Variants in NRG3 observed in about 807,000 individuals in gnomAD.
The protein encoded by NRG3 is pro-neuregulin-3, membrane-bound isoform.
In NRG3, 31 loss-of-function variants were observed where a neutral mutation model predicts 66.9. The observed-to-expected ratio is 0.46, with a 90% CI of 0.35 to 0.63. The LOEUF (loss-of-function observed/expected upper bound fraction) is 0.63, where lower values mean the gene tolerates loss of function less well. Among genes scored for constraint, NRG3 ranks in the 20% least tolerant of loss-of-function variants. The pLI, the probability that NRG3 is intolerant of heterozygous loss-of-function variation, is 0.00. For missense variants in NRG3, 910 were observed against 878.9 expected, an observed-to-expected ratio of 1.04 and a Z score of -0.45; for synonymous variants, 393 against 359.4, an observed-to-expected ratio of 1.09 and a Z score of -1.06.
At chr10:82,279,220 T>G (rs2079008991) in intron 1 of NRG3, among the ~76,000 whole-genome samples, 3 of 152,172 alleles carry the variant, frequency 2.0e-5, no homozygotes, top group African/African-American at 7.2e-5. Context: ...GCTGGCCATT[T>G]GACTCAAACT....
chr10:82,968,857 A>G (rs905444953), intron 6 of NRG3, among the ~76,000 whole-genome samples: 2 of 151,634 alleles, frequency 1.3e-5, no homozygotes, highest in African/African-American at 2.4e-5. Flanking sequence ...GGTTTAATGG[A>G]CTCACAGTTT....
chr10:82,374,010 G>A (rs1389594923), intron 2 of NRG3, among the ~76,000 whole-genome samples: 1 of 152,072 alleles, frequency 6.6e-6, no homozygotes, highest in Non-Finnish European at 1.5e-5. Flanking sequence ...TCTCCCACTA[G>A]GCTTTGAGTT....
At chr10:82,495,251 T>C (rs996416244) in intron 2 of NRG3, among the ~76,000 whole-genome samples, 1 of 152,154 alleles carries the variant, frequency 6.6e-6, no homozygotes, top group African/African-American at 2.4e-5. Context: ...TGCTCTTTCT[T>C]AATCATAGCT....
At chr10:82,649,274 C>A (rs2051216023) in intron 2 of NRG3, among the ~76,000 whole-genome samples, 1 of 152,074 alleles carries the variant, frequency 6.6e-6, no homozygotes, top group Non-Finnish European at 1.5e-5. Flanking sequence ...CCTTCACAGT[C>A]CTTGAGAAGA....
At chr10:82,545,036 C>A (rs954589489) in intron 2 of NRG3, among the ~76,000 whole-genome samples, 2 of 152,104 alleles carry the variant, frequency 1.3e-5, no homozygotes, top group African/African-American at 4.8e-5. Flanking sequence ...TATTGAACTT[C>A]CACCTGAAAT....
chr10:82,816,676 G>T (rs1165388387), intron 3 of NRG3, among the ~76,000 whole-genome samples: 4 of 152,084 alleles, frequency 2.6e-5, no homozygotes, highest in Non-Finnish European at 5.9e-5. Flanking sequence ...TAATCATGTT[G>T]TCCATAGTGC....
At position 82,389,619 on chromosome 10, in the gene NRG3, C is replaced by A. The variant is rs568581305; in HGVS notation, c.953+30751C>A. 2.6e-5 allele frequency among the ~76,000 whole-genome samples: 4 copies of A among 152,160 alleles called. No homozygotes were observed. In the East Asian group the frequency reaches 7.7e-4, roughly 29 times the overall value. ...TATGGCAGTAGACAAACGAGGGTAA[C>A]TGGTGAATATATAAGTTAATATTCT... is the stretch of plus-strand genomic sequence containing the variant. On this transcript the variant is annotated intron_variant, in intron 2 of 8. Transcript: ENST00000372141.
At chr10:82,366,118 A>G (rs2084504291) in intron 2 of NRG3, among the ~76,000 whole-genome samples, 1 of 152,208 alleles carries the variant, frequency 6.6e-6, no homozygotes, top group Admixed American at 6.5e-5. Flanking sequence ...GATTTTTTGC[A>G]AGTCATTTAA....
intron 2 of NRG3, among the ~76,000 whole-genome samples, chr10:82,583,944 TACCCTTATTTATA>T (rs1162482153): frequency 6.6e-6 from 1 of 152,224 alleles, no homozygotes; most frequent in Non-Finnish European, 1.5e-5. Context: ...GAGCCTATTC[TACCCTTATTTATA>T]ACCCTTATTT....
chr10:82,950,814 A>T (rs1393789794), intron 4 of NRG3, among the ~76,000 whole-genome samples: 1 of 152,206 alleles, frequency 6.6e-6, no homozygotes, highest in Non-Finnish European at 1.5e-5. Flanking sequence ...GGTAGTGGCT[A>T]CAGAGTGAAA....
At chr10:82,659,503 C>A (rs2052147470) in intron 2 of NRG3, among the ~76,000 whole-genome samples, 1 of 151,874 alleles carries the variant, frequency 6.6e-6, no homozygotes, top group Non-Finnish European at 1.5e-5. Context: ...ATTAGCTGGG[C>A]ATAGTGGGGT....
Position 82,153,411 on chromosome 10 carries a change from T to TTGTGTGTGTGTGTGTG in NRG3, c.824-205312_824-205297dup, listed in dbSNP as rs34783247. On this transcript the variant is annotated intron_variant, in intron 1 of 8. Coordinates refer to ENST00000372141, the MANE Select transcript of NRG3 (RefSeq NM_001010848.4). ...TTGTGTAAGGCTATATAGTATTCCA[T>TTGTGTGTGTGTGTGTG]TGTGTGTGTGTGTGTGTGTGTGTGT... Among the ~76,000 whole-genome samples the TTGTGTGTGTGTGTGTG allele has an allele frequency of 2.0e-5, 3 of 146,632 alleles. No homozygotes were observed. In the South Asian group the frequency reaches 6.6e-4, roughly 32 times the overall value.
intron 2 of NRG3, among the ~76,000 whole-genome samples, chr10:82,531,898 G>T (rs1847308469): frequency 6.6e-6 from 1 of 151,686 alleles, no homozygotes. Context: ...CAGTTCTCTA[G>T]AGCTTATTCT....
intron 2 of NRG3, among the ~76,000 whole-genome samples, chr10:82,410,610 G>A (rs376209071): frequency 6.6e-6 from 1 of 151,594 alleles, no homozygotes; most frequent in Non-Finnish European, 1.5e-5. Context: ...AGTGATGAGA[G>A]GTTGATGGTT....
At chr10:82,981,640 T>C (rs1379756540) in intron 8 of NRG3, among the ~76,000 whole-genome samples, 1 of 152,200 alleles carries the variant, frequency 6.6e-6, no homozygotes, top group Non-Finnish European at 1.5e-5. Flanking sequence ...GCTTCTTTCC[T>C]TGGCAAGAAC....
intron 2 of NRG3, among the ~76,000 whole-genome samples, chr10:82,648,193 A>G (rs1246502101): frequency 1.3e-5 from 2 of 151,676 alleles, no homozygotes; most frequent in East Asian, 1.9e-4. Flanking sequence ...AAGGTGTAAG[A>G]AAGGGATCCA....
chr10:82,864,867 T>G (rs1331009597), intron 3 of NRG3, among the ~76,000 whole-genome samples: 1 of 152,172 alleles, frequency 6.6e-6, no homozygotes, highest in Non-Finnish European at 1.5e-5. Context: ...TTAATCTCAC[T>G]GAAGCACAGT....
intron 4 of NRG3, among the ~76,000 whole-genome samples, chr10:82,890,108 A>T (rs1478040964): frequency 6.8e-6 from 1 of 146,748 alleles, no homozygotes; most frequent in East Asian, 2.0e-4. Flanking sequence ...AAATACAGGG[A>T]CTCTAGATGA....
intron 5 of NRG3, among the ~76,000 whole-genome samples, chr10:82,957,839 TTTC>T (rs1361640953): frequency 6.6e-6 from 1 of 152,134 alleles, no homozygotes; most frequent in African/African-American, 2.4e-5. Context: ...AAATAAATAT[TTTC>T]TTTTAGAGTC....
Sources: gnomAD v4.1 joint callset for allele counts (sites outside exome capture counted in the v4.1 genomes callset) on GRCh38, gnomAD v4.1.1 for gene constraint, MANE v1.5 for transcripts, NCBI Gene and HGNC (gene_info 2026-07-23, HGNC 2026-07-21) for gene names.